Variants in FRMPD2 observed in about 807,000 individuals in gnomAD.
The protein encoded by FRMPD2 is FERM and PDZ domain-containing protein 2.
Under a neutral mutation model 140.1 loss-of-function variants are expected in FRMPD2, and 96 were observed. The ratio of observed to expected loss-of-function variants is 0.69; its 90% CI spans 0.58 to 0.81. FRMPD2 has a LOEUF of 0.81. FRMPD2 is among the 40% of genes least tolerant of loss of function. The pLI is 0.00. For synonymous variants in FRMPD2, 449 were observed against 547.6 expected, an observed-to-expected ratio of 0.82 and a Z score of 2.52; for missense variants, 1,240 against 1,447.4, an observed-to-expected ratio of 0.86 and a Z score of 2.32.
chr10:48,221,263 G>C (rs996665673), intron 12 of FRMPD2, among the ~76,000 whole-genome samples: 1 of 152,086 alleles, frequency 6.6e-6, no homozygotes, highest in Non-Finnish European at 1.5e-5. Context: ...TCCATAAAAA[G>C]GAATGACATA....
chr10:48,242,478 T>A (rs1406640362), intron 4 of FRMPD2, 126 bp from the exon 5 acceptor site: 4 of 732,948 alleles, frequency 5.5e-6, no homozygotes, highest in Non-Finnish European at 8.8e-6. Context: ...AGCAGATGCC[T>A]GCCCCTTCTG....
chr10:48,227,940 C>T lies in FRMPD2; in HGVS notation c.1168+4175G>A, dbSNP rs72792237. On this transcript the variant is annotated intron_variant, in intron 10 of 28. Transcript: ENST00000374201. ...CAACATTAAACATAATACAGACATA[C>T]GACTTCTTCTATCTGGATTTATCAA... Among the ~76,000 whole-genome samples, 658 of 152,162 alleles carry T rather than the reference C, an allele frequency of 4.3e-3. 1 individual carries two copies. Among genetic ancestry groups the T allele is most frequent in the Admixed American group, 7.0e-3 (107 of 15,276 alleles).
chr10:48,198,512 C>A (rs752223534), intron 15 of FRMPD2, among the ~76,000 whole-genome samples: 8 of 152,114 alleles, frequency 5.3e-5, no homozygotes, highest in African/African-American at 1.2e-4. Flanking sequence ...GGATTCTGAG[C>A]AGCTAACTGG....
chr10:48,207,140 C>CT (rs72320753), intron 13 of FRMPD2, among the ~76,000 whole-genome samples: 39,578 of 141,142 alleles, frequency 0.28, 6,683 homozygotes, highest in African/African-American at 0.49. Context: ...TAGAATTTTC[C>CT]TTTTTTTTTT....
chr10:48,261,273 A>G (rs1202921949), intron 1 of FRMPD2, among the ~76,000 whole-genome samples: 2 of 152,130 alleles, frequency 1.3e-5, no homozygotes, highest in Non-Finnish European at 1.5e-5. Flanking sequence ...CAGACACCAA[A>G]CCACAGATCT....
chr10:48,237,074 T>C (rs546350726), intron 8 of FRMPD2, among the ~76,000 whole-genome samples: 21 of 150,394 alleles, frequency 1.4e-4, no homozygotes, highest in Admixed American at 3.3e-4. Context: ...CCCTGTGGGG[T>C]GCATATTCTC....
At chr10:48,213,831 T>C (rs1356005365) in intron 12 of FRMPD2, among the ~76,000 whole-genome samples, 1 of 152,108 alleles carries the variant, frequency 6.6e-6, no homozygotes, top group Non-Finnish European at 1.5e-5. Context: ...AATAAATAAG[T>C]GGAGCACAGA....
At chr10:48,246,235 G>A (rs1255748123) in intron 3 of FRMPD2, among the ~76,000 whole-genome samples, 2 of 152,192 alleles carry the variant, frequency 1.3e-5, no homozygotes, top group African/African-American at 4.8e-5. Context: ...TAGCATGATG[G>A]AGCATAGAGA....
intron 27 of FRMPD2, among the ~76,000 whole-genome samples, chr10:48,164,323 G>C (rs1340214262): frequency 6.6e-6 from 1 of 151,306 alleles, no homozygotes; most frequent in Non-Finnish European, 1.5e-5. Flanking sequence ...TAAATAAACA[G>C]GTCCTTTGAA....
chr10:48,193,304 C>G (rs1338980115), intron 15 of FRMPD2, among the ~76,000 whole-genome samples: 1 of 152,196 alleles, frequency 6.6e-6, no homozygotes, highest in Non-Finnish European at 1.5e-5. Flanking sequence ...AATGTGCCTC[C>G]AAATCTCCTG....
chr10:48,256,834 C>T (rs774919819), intron 1 of FRMPD2, among the ~76,000 whole-genome samples: 2 of 152,238 alleles, frequency 1.3e-5, no homozygotes, highest in Non-Finnish European at 2.9e-5. Context: ...CCTCGGCATT[C>T]TTTCTCCCTC....
At chr10:48,251,512 G>A in intron 2 of FRMPD2, 54 bp downstream of exon 2, 1 of 1,602,698 alleles carries the variant, frequency 6.2e-7, no homozygotes, top group Non-Finnish European at 8.5e-7. Context: ...TGTTTGTGTG[G>A]GAAGCTTCAC....
chr10:48,242,890 G>A (rs907576799), intron 4 of FRMPD2, among the ~76,000 whole-genome samples: 1 of 152,154 alleles, frequency 6.6e-6, no homozygotes, highest in Non-Finnish European at 1.5e-5. Flanking sequence ...TGTACACATC[G>A]AGCAAAAGAA....
At chr10:48,230,813 A>G (rs375416476) in intron 10 of FRMPD2, among the ~76,000 whole-genome samples, 1 of 152,184 alleles carries the variant, frequency 6.6e-6, no homozygotes, top group Admixed American at 6.5e-5. Flanking sequence ...CTGTTCCTAA[A>G]GCCCTATAAA....
At chr10:48,234,627 A>G (rs1265373682) in intron 9 of FRMPD2, among the ~76,000 whole-genome samples, 1 of 152,134 alleles carries the variant, frequency 6.6e-6, no homozygotes, top group Non-Finnish European at 1.5e-5. Context: ...GACACAGGAA[A>G]CCCTGGGAAT....
chr10:48,255,732 C>T (rs1840477270), intron 1 of FRMPD2, among the ~76,000 whole-genome samples: 1 of 152,186 alleles, frequency 6.6e-6, no homozygotes, highest in Non-Finnish European at 1.5e-5. Context: ...TCAAGGAAGG[C>T]ACTTCCAGGA....
intron 6 of FRMPD2, 136 bp from the exon 7 acceptor site, chr10:48,239,828 T>C (rs1404167100): frequency 1.6e-6 from 1 of 631,788 alleles, no homozygotes; most frequent in African/African-American, 1.8e-5. Context: ...CCTCTCTGAA[T>C]CTGTTTCCTC....
In FRMPD2 at chr10:48,251,570, G is replaced by A. The variant is rs1168896921; in HGVS notation, c.147C>T (p.Arg49=). 4 of 1,614,068 alleles carry A rather than the reference G, an allele frequency of 2.5e-6. No individual in the cohort carries two copies. The African/African-American group carries it at 4.0e-5, about 16-fold the overall frequency. Reference sequence around the variant, plus strand: ...TGCCCCCAAACACTCTCTTACCGTTGCGGAGGTCTTCCAGGAGCTGCTCAG... The same window carrying A: ...TGCCCCCAAACACTCTCTTACCGTTACGGAGGTCTTCCAGGAGCTGCTCAG... ...LAAEQLLEDL[R]NDSSDYVVCP... The change falls in exon 2 of 29, where the codon CGC becomes CGT. Residue 49 remains arginine (R), a synonymous_variant. Coordinates refer to ENST00000374201, the MANE Select transcript of FRMPD2 (RefSeq NM_001018071.4).
At chr10:48,257,308 T>G (rs1715099455) in intron 1 of FRMPD2, among the ~76,000 whole-genome samples, 2 of 151,916 alleles carry the variant, frequency 1.3e-5, no homozygotes, top group South Asian at 4.2e-4. Flanking sequence ...GAGGCAGAGT[T>G]TCATTCTCTC....
Sources: gnomAD v4.1 joint callset for allele counts (sites outside exome capture counted in the v4.1 genomes callset) on GRCh38, gnomAD v4.1.1 for gene constraint, MANE v1.5 for transcripts, NCBI Gene and HGNC (gene_info 2026-07-23, HGNC 2026-07-21) for gene names.